RIMS2: variants seen among roughly 807,000 people sequenced by gnomAD.
RIMS2 encodes regulating synaptic membrane exocytosis 2, also known as regulating synaptic membrane exocytosis protein 2.
RIMS2 carries 59 observed loss-of-function variants against 174.4 expected under a neutral mutation model. The observed-to-expected ratio is 0.34, with a 90% CI of 0.27 to 0.42. The LOEUF (loss-of-function observed/expected upper bound fraction) is 0.42, where lower values mean the gene tolerates loss of function less well. RIMS2 is among the 10% of genes least tolerant of loss of function. The pLI is 1.00. For synonymous variants in RIMS2, 606 were observed against 572.5 expected (o/e 1.06, Z -0.84); for missense variants, 1,620 against 1,666.3 (o/e 0.97, Z 0.48).
intron 3 of RIMS2, among the ~76,000 whole-genome samples, chr8:103,850,875 A>G (rs1471743672): frequency 6.6e-6 from 1 of 152,002 alleles, no homozygotes; most frequent in Admixed American, 6.6e-5. Context: ...TGGATAAGAC[A>G]ACTAATTATT....
intron 19 of RIMS2, among the ~76,000 whole-genome samples, chr8:104,146,925 G>C (rs543452406): frequency 1.2e-4 from 18 of 152,096 alleles, no homozygotes; most frequent in African/African-American, 4.3e-4. Context: ...AAACTCCTGG[G>C]CTTAAGCAGT....
chr8:103,818,361 T>C (rs996315402), intron 3 of RIMS2, among the ~76,000 whole-genome samples: 6 of 152,156 alleles, frequency 3.9e-5, no homozygotes, highest in Non-Finnish European at 8.8e-5. Flanking sequence ...TAAAATTTGG[T>C]TTACACACTA....
intron 19 of RIMS2, among the ~76,000 whole-genome samples, chr8:104,236,515 A>C (rs1460843931): frequency 6.6e-6 from 1 of 152,098 alleles, no homozygotes; most frequent in Non-Finnish European, 1.5e-5. Flanking sequence ...TATGTCATAA[A>C]GTGGATTAAT....
intron 12 of RIMS2, among the ~76,000 whole-genome samples, chr8:103,935,311 A>C (rs528663516): frequency 6.6e-6 from 1 of 152,144 alleles, no homozygotes; most frequent in Non-Finnish European, 1.5e-5. Context: ...ATAAAGCTAC[A>C]TTGCATGTTA....
intron 1 of RIMS2, among the ~76,000 whole-genome samples, chr8:103,589,598 A>G (rs1235913216): frequency 6.6e-6 from 1 of 151,634 alleles, no homozygotes; most frequent in East Asian, 1.9e-4. Context: ...AAAGAAAGGA[A>G]ATCAGTATAT....
At chr8:104,042,873 A>G (rs1010682066) in intron 19 of RIMS2, among the ~76,000 whole-genome samples, 1 of 151,594 alleles carries the variant, frequency 6.6e-6, no homozygotes, top group Admixed American at 6.6e-5. Context: ...TGGAATTGTC[A>G]GTAGCATATG....
intron 19 of RIMS2, among the ~76,000 whole-genome samples, chr8:104,091,039 G>A (rs186232308): frequency 1.9e-3 from 287 of 151,678 alleles, no homozygotes; most frequent in Non-Finnish European, 2.2e-3. Flanking sequence ...CTTTACACGC[G>A]TTATCTTGCT....
chr8:104,008,656 T>C (rs1210202111), intron 17 of RIMS2, among the ~76,000 whole-genome samples: 1 of 152,008 alleles, frequency 6.6e-6, no homozygotes, highest in African/African-American at 2.4e-5. Flanking sequence ...AATACTTCTC[T>C]TTTTGATAAT....
At position 104,174,060 on chromosome 8, in the gene RIMS2, C is replaced by A. The variant is rs10105188; in HGVS notation, c.3335-70856C>A. On this transcript the variant is annotated intron_variant, in intron 19 of 23. Transcript: ENST00000504942. ...CTCCTTGGTTCAAGCAATTCTCCTG[C>A]CCTAGCCTCCCAAGTAGTTGGGATT... Among the ~76,000 whole-genome samples the A allele has an allele frequency of 1.8e-3, 266 of 151,900 alleles. 1 individual carries two copies. The highest frequency in any genetic ancestry group is 6.2e-3 in the African/African-American group (256 of 41,398).
chr8:103,879,098 A>C (rs1594416098), intron 3 of RIMS2, among the ~76,000 whole-genome samples: 1 of 151,676 alleles, frequency 6.6e-6, no homozygotes, highest in Non-Finnish European at 1.5e-5. Flanking sequence ...AAAGGAGAAT[A>C]AACACTCTAA....
At chr8:104,065,382 A>T (rs183565728) in intron 19 of RIMS2, among the ~76,000 whole-genome samples, 1 of 152,218 alleles carries the variant, frequency 6.6e-6, no homozygotes, top group East Asian at 1.9e-4. Context: ...CCAAGGAAGA[A>T]AAAAAAGACT....
At chr8:104,130,139 CAT>C (rs1272081609) in intron 19 of RIMS2, among the ~76,000 whole-genome samples, 1 of 152,052 alleles carries the variant, frequency 6.6e-6, no homozygotes, top group East Asian at 1.9e-4. Context: ...GCTGAGGTAA[CAT>C]AGACAAAATA....
At chr8:103,700,447 T>C (rs941535720) in intron 2 of RIMS2, among the ~76,000 whole-genome samples, 11 of 151,988 alleles carry the variant, frequency 7.2e-5, no homozygotes, top group Non-Finnish European at 1.3e-4. Flanking sequence ...TATTTGGAAA[T>C]GGAATTGCAT....
intron 3 of RIMS2, among the ~76,000 whole-genome samples, chr8:103,836,606 T>C (rs958728522): frequency 9.9e-5 from 15 of 152,232 alleles, no homozygotes; most frequent in African/African-American, 3.4e-4. Context: ...TATGCCAATG[T>C]ATTTTTTTGC....
intron 14 of RIMS2, among the ~76,000 whole-genome samples, chr8:103,959,856 G>A (rs1455746239): frequency 6.6e-6 from 1 of 152,156 alleles, no homozygotes; most frequent in African/African-American, 2.4e-5. Context: ...TTAAAGCAGT[G>A]TGTAGAGGGA....
intron 1 of RIMS2, among the ~76,000 whole-genome samples, chr8:103,558,629 T>C (rs77561821): frequency 6.6e-6 from 1 of 151,730 alleles, no homozygotes; most frequent in East Asian, 1.9e-4. Context: ...TGGGATAAGA[T>C]AGTTTTTTTT....
intron 1 of RIMS2, among the ~76,000 whole-genome samples, chr8:103,650,591 G>T (rs2096433932): frequency 6.6e-6 from 1 of 152,250 alleles, no homozygotes; most frequent in Non-Finnish European, 1.5e-5. Context: ...GCTCTGTCCG[G>T]AGAATCCTTG....
At chr8:103,538,313 C>G (rs1342722701) in intron 1 of RIMS2, among the ~76,000 whole-genome samples, 1 of 152,008 alleles carries the variant, frequency 6.6e-6, no homozygotes, top group Non-Finnish European at 1.5e-5. Context: ...TCCTTATATT[C>G]ACCTTTTATT....
Position 104,188,049 on chromosome 8 carries a change from A to G in RIMS2, c.3335-56867A>G, listed in dbSNP as rs62508128. On this transcript the variant is annotated intron_variant, in intron 19 of 23. Transcript: ENST00000504942. Reference sequence around the variant, plus strand: ...GATATAACATAGGAGATGTAGAAGTAATCACATATAATAGTATTTATAGTA... The same window carrying G: ...GATATAACATAGGAGATGTAGAAGTGATCACATATAATAGTATTTATAGTA... Among the ~76,000 whole-genome samples, 379 of 151,916 alleles carry G rather than the reference A, an allele frequency of 2.5e-3. 11 individuals carry two copies. Among genetic ancestry groups the G allele is most frequent in the Non-Finnish European group, 2.7e-3 (183 of 67,824 alleles).
Sources: allele counts gnomAD v4.1 joint callset (sites outside exome capture counted in the v4.1 genomes callset), GRCh38; gene constraint gnomAD v4.1.1; transcripts MANE v1.5; gene names NCBI Gene and HGNC (gene_info 2026-07-23, HGNC 2026-07-21).